KCNJ3: variants seen among roughly 807,000 people sequenced by gnomAD.
KCNJ3 encodes potassium inwardly rectifying channel subfamily J member 3.
A neutral mutation model predicts 39.2 loss-of-function variants in KCNJ3; 4 were observed. The observed-to-expected ratio is 0.10, with a 90% CI of 0.05 to 0.23. The LOEUF is 0.23. KCNJ3 is among the 10% of genes least tolerant of loss of function. The pLI is 1.00. For missense variants in KCNJ3, 276 were observed against 634.9 expected (o/e 0.43, Z 6.08); for synonymous variants, 230 against 237.4 (o/e 0.97, Z 0.29).
intron 2 of KCNJ3, among the ~76,000 whole-genome samples, chr2:154,794,688 A>T (rs2591154): frequency 0.15 from 22,319 of 152,050 alleles, 1,828 homozygotes; most frequent in East Asian, 0.33. Flanking sequence ...AACAAGTGTG[A>T]TAGTTACTTT....
chr2:154,719,457 A>G (rs1465787391), intron 2 of KCNJ3, among the ~76,000 whole-genome samples: 1 of 152,160 alleles, frequency 6.6e-6, no homozygotes, highest in Non-Finnish European at 1.5e-5. Context: ...AATCAAGAGT[A>G]TGAATTAAAA....
At position 154,840,322 on chromosome 2, in the gene KCNJ3, A is replaced by G. The variant is rs190797240; in HGVS notation, c.920-14405A>G. On this transcript the variant is annotated intron_variant, in intron 2 of 2. Transcript: ENST00000295101. ...ATATCTCTGTTTTGGTAGCAGTACCATGCTGTTTTGGTTACTGTAGCCTTG... is the reference window on the plus strand; with the variant it reads ...ATATCTCTGTTTTGGTAGCAGTACCGTGCTGTTTTGGTTACTGTAGCCTTG... Among the ~76,000 whole-genome samples, 527 of 152,272 alleles carry G rather than the reference A, an allele frequency of 3.5e-3. 2 individuals carry two copies. Among genetic ancestry groups the G allele is most frequent in the Middle Eastern group, 6.8e-3 (2 of 294 alleles).
At chr2:154,831,366 C>T (rs1202529150) in intron 2 of KCNJ3, among the ~76,000 whole-genome samples, 1 of 152,064 alleles carries the variant, frequency 6.6e-6, no homozygotes, top group African/African-American at 2.4e-5. Context: ...GACTCCATTT[C>T]ATAAGATTAA....
intron 2 of KCNJ3, among the ~76,000 whole-genome samples, chr2:154,850,914 A>G (rs1363283850): frequency 6.6e-6 from 1 of 152,148 alleles, no homozygotes; most frequent in Admixed American, 6.6e-5. Context: ...TTTTTTCTAT[A>G]CTTTTAAATA....
At chr2:154,755,341 A>C (rs542797758) in intron 2 of KCNJ3, among the ~76,000 whole-genome samples, 1 of 151,892 alleles carries the variant, frequency 6.6e-6, no homozygotes, top group Non-Finnish European at 1.5e-5. Context: ...TTTTTTATTA[A>C]ATTCAAAATA....
At chr2:154,823,664 T>A (rs1011231574) in intron 2 of KCNJ3, among the ~76,000 whole-genome samples, 2 of 152,178 alleles carry the variant, frequency 1.3e-5, no homozygotes, top group African/African-American at 4.8e-5. Context: ...ACAAACTCAC[T>A]TCATATATTG....
intron 2 of KCNJ3, among the ~76,000 whole-genome samples, chr2:154,788,890 A>G (rs551979595): frequency 8.9e-4 from 136 of 152,178 alleles, no homozygotes; most frequent in South Asian, 1.7e-3. Context: ...ATGCTGGAGA[A>G]AAAGGTTACT....
chr2:154,764,657 G>T (rs1047710810), intron 2 of KCNJ3, among the ~76,000 whole-genome samples: 3 of 151,912 alleles, frequency 2.0e-5, no homozygotes, highest in Admixed American at 6.6e-5. Flanking sequence ...AATTATTTTG[G>T]GCCACATGTA....
chr2:154,817,641 A>C (rs1687105959), intron 2 of KCNJ3, among the ~76,000 whole-genome samples: 1 of 152,118 alleles, frequency 6.6e-6, no homozygotes, highest in Non-Finnish European at 1.5e-5. Context: ...ACTGTTCTTT[A>C]ATGCCATTTT....
At chr2:154,752,564 A>G (rs964011038) in intron 2 of KCNJ3, among the ~76,000 whole-genome samples, 3 of 152,054 alleles carry the variant, frequency 2.0e-5, no homozygotes. Context: ...AAATATTATG[A>G]AACTTTCTAT....
chr2:154,849,066 C>G (rs1380478916), intron 2 of KCNJ3, among the ~76,000 whole-genome samples: 1 of 152,140 alleles, frequency 6.6e-6, no homozygotes. Flanking sequence ...AGATTAACAG[C>G]ATGAATCCTC....
intron 1 of KCNJ3, among the ~76,000 whole-genome samples, chr2:154,705,185 A>G (rs559132718): frequency 6.6e-6 from 1 of 152,280 alleles, no homozygotes; most frequent in South Asian, 2.1e-4. Flanking sequence ...GAGAGACGGG[A>G]GAGAGAGAGG....
At chr2:154,793,131 T>C (rs1289470271) in intron 2 of KCNJ3, among the ~76,000 whole-genome samples, 1 of 152,052 alleles carries the variant, frequency 6.6e-6, no homozygotes, top group African/African-American at 2.4e-5. Context: ...CATTCAAAAG[T>C]GAAAGACTTC....
intron 2 of KCNJ3, among the ~76,000 whole-genome samples, chr2:154,792,820 C>G (rs1239835889): frequency 1.3e-5 from 2 of 152,086 alleles, no homozygotes; most frequent in East Asian, 3.9e-4. Context: ...ATCATGCTGT[C>G]AACCATACTT....
At chr2:154,785,674 T>A (rs1686517838) in intron 2 of KCNJ3, among the ~76,000 whole-genome samples, 1 of 152,146 alleles carries the variant, frequency 6.6e-6, no homozygotes, top group Non-Finnish European at 1.5e-5. Context: ...CCTTCAGAAA[T>A]TTGAGAAATA....
chr2:154,707,814 G>A lies in KCNJ3; in HGVS notation c.703-1789G>A, dbSNP rs76099193. 1.1e-4 allele frequency among the ~76,000 whole-genome samples: 17 copies of A among 152,154 alleles called. No individual in the cohort carries two copies. The East Asian group carries it at 3.3e-3, about 29-fold the overall frequency. On this transcript the variant is annotated intron_variant, in intron 1 of 2. Transcript: ENST00000295101. ...GTAGGTGAGAGAACAATGACACAAG[G>A]TTTTTGTTTTTGTTGCTTTAATTTT...
At chr2:154,844,572 G>A (rs924062384) in intron 2 of KCNJ3, among the ~76,000 whole-genome samples, 1 of 152,222 alleles carries the variant, frequency 6.6e-6, no homozygotes, top group Non-Finnish European at 1.5e-5. Flanking sequence ...TCTAGAGGCA[G>A]TGGACCTTGT....
At chr2:154,726,833 A>ACC (rs754663654) in intron 2 of KCNJ3, among the ~76,000 whole-genome samples, 1 of 96,178 alleles carries the variant, frequency 1.0e-5, no homozygotes, top group Non-Finnish European at 2.7e-5. Context: ...ACACACACAC[A>ACC]CATACACCAT....
chr2:154,815,636 TGAGA>T (rs1276372488), intron 2 of KCNJ3, among the ~76,000 whole-genome samples: 1 of 152,216 alleles, frequency 6.6e-6, no homozygotes, highest in Non-Finnish European at 1.5e-5. Flanking sequence ...TTTTGACTCG[TGAGA>T]GAAATGCCCT....
Sources: allele counts gnomAD v4.1 joint callset (sites outside exome capture counted in the v4.1 genomes callset), GRCh38; gene constraint gnomAD v4.1.1; transcripts MANE v1.5; gene names NCBI Gene and HGNC (gene_info 2026-07-23, HGNC 2026-07-21).